The following GIPC2 variants were observed in gnomAD, a reference collection of about 807,000 sequenced individuals.
GIPC2 encodes the protein GIPC PDZ domain containing family member 2, also known as PDZ domain-containing protein GIPC2.
Under a neutral mutation model 30.6 loss-of-function variants are expected in GIPC2, and 30 were observed. The ratio of observed to expected loss-of-function variants is 0.98; its 90% CI spans 0.73 to 1.33. The LOEUF (loss-of-function observed/expected upper bound fraction) is 1.33. GIPC2 is among the 40% of genes most tolerant of loss of function. The pLI, the probability that GIPC2 is intolerant of heterozygous loss-of-function variation, is 0.00. For missense variants in GIPC2, 414 were observed against 390.3 expected, an observed-to-expected ratio of 1.06 and a Z score of -0.51; for synonymous variants, 167 against 150.0, an observed-to-expected ratio of 1.11 and a Z score of -0.83.
rs745938097 is a variant in GIPC2, at chr1:78,119,467, A to G, written c.682A>G (p.Arg228Gly). 1.9e-6 allele frequency: 3 copies of G among 1,611,920 alleles called. No homozygotes were observed. The highest frequency in any genetic ancestry group is 1.3e-5 in the African/African-American group (1 of 74,874). ...IGCGRATLRLRSKGPATVEEM... is the reference protein window; with the variant it reads ...IGCGRATLRLGSKGPATVEEM... ...TTGTGGAAGGGCAACACTTCGCCTG[A>G]GATCAAAAGGTCCTGCCACCGTGGA... is the stretch of plus-strand genomic sequence containing the variant. Residue 228 changes from arginine to glycine, a missense_variant, in exon 4 of 6, where the codon AGA becomes GGA. Arg to Gly is a moderately radical substitution (Grantham distance 125, BLOSUM62 -2). Coordinates refer to ENST00000370759, the MANE Select transcript of GIPC2 (RefSeq NM_017655.6).
intron 1 of GIPC2, among the ~76,000 whole-genome samples, chr1:78,054,666 C>T (rs1345645441): frequency 6.6e-6 from 1 of 152,016 alleles, no homozygotes; most frequent in Non-Finnish European, 1.5e-5. Flanking sequence ...GCTTGATATC[C>T]CCTCCTGAGC....
At chr1:78,119,204 C>G (rs551408428) in intron 3 of GIPC2, among the ~76,000 whole-genome samples, 189 bp from the exon 4 acceptor site, 99 of 152,290 alleles carry the variant, frequency 6.5e-4, no homozygotes, top group Admixed American at 1.8e-3. Flanking sequence ...CATAAAGACT[C>G]TCTTATAAGA....
chr1:78,121,036 T>A (rs1374896644), intron 4 of GIPC2, among the ~76,000 whole-genome samples: 1 of 152,258 alleles, frequency 6.6e-6, no homozygotes, highest in Middle Eastern at 3.2e-3. Context: ...TTTGGTGCAT[T>A]AATGAATTAG....
At chr1:78,118,247 CAAAAA>C (rs71810685) in intron 3 of GIPC2, among the ~76,000 whole-genome samples, 1 of 34,250 alleles carries the variant, frequency 2.9e-5, no homozygotes, top group Non-Finnish European at 6.1e-5. Context: ...AGTTTCATTG[CAAAAA>C]AAAAAAAAAA....
At chr1:78,045,593 C>G, upstream of GIPC2, 1 of 985,466 alleles carries the variant, frequency 1.0e-6, no homozygotes. Context: ...TCTTCCAATT[C>G]TGCCCTGCAG....
intron 1 of GIPC2, among the ~76,000 whole-genome samples, chr1:78,059,629 G>T (rs903756290): frequency 2.0e-5 from 3 of 152,146 alleles, no homozygotes; most frequent in Non-Finnish European, 4.4e-5. Context: ...TCTAGTTCCA[G>T]CTGTAGTCCC....
upstream of GIPC2, chr1:78,045,447 C>T: frequency 2.2e-6 from 1 of 458,944 alleles, no homozygotes; most frequent in Non-Finnish European, 2.9e-6. Context: ...GGGCAAATGG[C>T]TTTGGAGGCG....
rs1382262825 is a variant in GIPC2 at position 78,046,350 on chromosome 1, C to T, written c.240+16C>T. On this transcript the variant is annotated intron_variant, in intron 1 of 5. Coordinates refer to ENST00000370759, the MANE Select transcript of GIPC2 (RefSeq NM_017655.6). Reference sequence around the variant, plus strand: ...GCCGTCGGAGGTAAGGCGCCAGGTGCTCAGGCTCTCCCGCCTCTCCGCCGC... The same window carrying T: ...GCCGTCGGAGGTAAGGCGCCAGGTGTTCAGGCTCTCCCGCCTCTCCGCCGC... 3 of 1,595,334 alleles carry T rather than the reference C, an allele frequency of 1.9e-6. No individual in the cohort carries two copies. Among genetic ancestry groups the T allele is most frequent in the East Asian group, 2.3e-5 (1 of 43,808 alleles).
chr1:78,046,556 C>T (rs1429648590), intron 1 of GIPC2, among the ~76,000 whole-genome samples: 1 of 152,164 alleles, frequency 6.6e-6, no homozygotes, highest in Non-Finnish European at 1.5e-5. Context: ...CCCCTTGCTC[C>T]GAGATCTGGC....
At chr1:78,079,887 G>T (rs1661792168) in intron 1 of GIPC2, among the ~76,000 whole-genome samples, 1 of 152,054 alleles carries the variant, frequency 6.6e-6, no homozygotes, top group Admixed American at 6.5e-5. Context: ...AAGCCCCTTT[G>T]AAATCTCCAC....
intron 3 of GIPC2, among the ~76,000 whole-genome samples, chr1:78,095,460 AT>A (rs1208854587): frequency 2.0e-5 from 3 of 152,176 alleles, no homozygotes; most frequent in Admixed American, 2.0e-4. Flanking sequence ...GAGCAGTAAG[AT>A]TTTTGACTGA....
chr1:78,113,124 A>G (rs189578739), intron 3 of GIPC2, among the ~76,000 whole-genome samples: 50 of 152,320 alleles, frequency 3.3e-4, no homozygotes, highest in Admixed American at 2.4e-3. Flanking sequence ...CTCTTAATGT[A>G]AAAGGCCTTT....
rs376899734 is a variant in GIPC2 at position 78,115,102 on chromosome 1, A to G, written c.608-4291A>G. Among the ~76,000 whole-genome samples the G allele has an allele frequency of 5.9e-5, 9 of 152,340 alleles. No individual in the cohort carries two copies. The East Asian group carries it at 7.7e-4, about 13-fold the overall frequency. On this transcript the variant is annotated intron_variant, in intron 3 of 5. Coordinates refer to ENST00000370759, the MANE Select transcript of GIPC2 (RefSeq NM_017655.6). ...AGCTGACTTCTTGGGCAGGGATGATACAACCTTTATGAAGCCCCACACTCC... is the reference window on the plus strand; with the variant it reads ...AGCTGACTTCTTGGGCAGGGATGATGCAACCTTTATGAAGCCCCACACTCC...
At chr1:78,063,996 A>G (rs950556762) in intron 1 of GIPC2, among the ~76,000 whole-genome samples, 5 of 152,218 alleles carry the variant, frequency 3.3e-5, no homozygotes, top group African/African-American at 9.7e-5. Context: ...AATGTTTGTA[A>G]ATGCTCATAG....
chr1:78,133,051 A>C (rs1175377335), intron 5 of GIPC2, among the ~76,000 whole-genome samples: 2 of 152,148 alleles, frequency 1.3e-5, no homozygotes, highest in African/African-American at 4.8e-5. Context: ...TGGCTATGAG[A>C]CCAGAGTTCT....
At chr1:78,132,395 G>A (rs1053496365) in intron 5 of GIPC2, among the ~76,000 whole-genome samples, 3 of 152,110 alleles carry the variant, frequency 2.0e-5, no homozygotes, top group African/African-American at 7.2e-5. Context: ...GAGTGTGGGG[G>A]TTTTTCTTCA....
intron 1 of GIPC2, among the ~76,000 whole-genome samples, chr1:78,078,206 A>AC (rs1553141283): frequency 6.6e-6 from 1 of 151,534 alleles, no homozygotes; most frequent in Non-Finnish European, 1.5e-5. Flanking sequence ...AAAAAAAAAA[A>AC]AAAACCTAGT....
At chr1:78,074,409 G>T (rs1174370460) in intron 1 of GIPC2, among the ~76,000 whole-genome samples, 1 of 152,076 alleles carries the variant, frequency 6.6e-6, no homozygotes, top group Admixed American at 6.5e-5. Context: ...TATTTTAAGA[G>T]GTGTAGTCTC....
rs575276624 is a variant in GIPC2, at chr1:78,121,653, G to A, written c.714+2154G>A. Among the ~76,000 whole-genome samples, 3 of 152,218 alleles carry A rather than the reference G, an allele frequency of 2.0e-5. No homozygotes were observed. In the East Asian group the frequency reaches 5.8e-4, roughly 29 times the overall value. ...TGAAAGGACCGATCAGAGGCAAATG[G>A]CAACGAAGAGATCTGATAGAGCAAA... On this transcript the variant is annotated intron_variant, in intron 4 of 5. Transcript: ENST00000370759.
Sources: allele counts gnomAD v4.1 joint callset (sites outside exome capture counted in the v4.1 genomes callset), GRCh38; gene constraint gnomAD v4.1.1; transcripts MANE v1.5; gene names NCBI Gene and HGNC (gene_info 2026-07-23, HGNC 2026-07-21).